CLDN11: variants seen among roughly 807,000 people sequenced by gnomAD.
CLDN11 encodes the protein claudin 11.
Under a neutral mutation model 18.0 loss-of-function variants are expected in CLDN11, and 1 was observed. The ratio of observed to expected loss-of-function variants is 0.06; its 90% CI spans 0.02 to 0.26. CLDN11 has a LOEUF of 0.26. Ranked by LOEUF, CLDN11 falls within the 10% of genes least tolerant of loss-of-function variation. The pLI is 1.00. For missense variants in CLDN11, 172 were observed against 276.6 expected (o/e 0.62, Z 2.68); for synonymous variants, 116 against 121.5 (o/e 0.96, Z 0.30).
rs769057178 is a variant in CLDN11 at position 170,432,600 on chromosome 3, C to T, written c.468C>T (p.Tyr156=). The change falls in exon 3 of 3, where the codon TAC becomes TAT. Residue 156 remains tyrosine, a synonymous_variant. Coordinates refer to ENST00000064724, the MANE Select transcript of CLDN11 (RefSeq NM_005602.6). Reference sequence around the variant, plus strand: ...AGACCACCATCGTGAGCTTTGGCTACTCCCTGTATGCAGGCTGGATTGGTG... The same window carrying T: ...AGACCACCATCGTGAGCTTTGGCTATTCCCTGTATGCAGGCTGGATTGGTG... ...HRETTIVSFG[Y]SLYAGWIGAV... is the part of the protein sequence containing the mutation. 3 of 1,614,020 alleles carry T rather than the reference C, an allele frequency of 1.9e-6. No homozygotes were observed. Among genetic ancestry groups the T allele is most frequent in the Admixed American group, 1.7e-5 (1 of 59,994 alleles).
Position 170,419,799 on chromosome 3 carries a change from G to C in CLDN11, c.226+507G>C, listed in dbSNP as rs1202891963. ...GGGATGGGCGAAGCGCCCCCGGCCA[G>C]GTTAGAGCCCTCCTAGCTCCGTCCG... On this transcript the variant is annotated intron_variant, in intron 1 of 2. Transcript: ENST00000064724. The surrounding 1 kb of genome is among the most constrained non-coding windows in gnomAD (Gnocchi z 8.6). Among the ~76,000 whole-genome samples, 3 of 152,266 alleles carry C rather than the reference G, an allele frequency of 2.0e-5. No individual in the cohort carries two copies. The highest frequency in any genetic ancestry group is 4.4e-5 in the Non-Finnish European group (3 of 68,036).
At chr3:170,423,924 G>T (rs912942579) in intron 2 of CLDN11, among the ~76,000 whole-genome samples, 1 of 151,006 alleles carries the variant, frequency 6.6e-6, no homozygotes, top group African/African-American at 2.4e-5. Flanking sequence ...CGGGGCGGGG[G>T]TTGCTAAGGC....
chr3:170,424,268 C>T (rs181440343), intron 2 of CLDN11, among the ~76,000 whole-genome samples: 2 of 152,140 alleles, frequency 1.3e-5, no homozygotes, highest in East Asian at 3.9e-4. Flanking sequence ...GGTATGTGCT[C>T]ATGTAGAAAA....
intron 1 of CLDN11, among the ~76,000 whole-genome samples, chr3:170,420,539 G>GT (rs893305455): frequency 2.6e-5 from 4 of 152,220 alleles, no homozygotes; most frequent in African/African-American, 7.2e-5. Context: ...ATTTTATCTT[G>GT]TTTTTTGTTG....
At chr3:170,430,788 C>T (rs186050948) in intron 2 of CLDN11, among the ~76,000 whole-genome samples, 4 of 152,048 alleles carry the variant, frequency 2.6e-5, no homozygotes, top group Non-Finnish European at 4.4e-5. Flanking sequence ...TCAGGTGATT[C>T]GCCCACCTTG....
At chr3:170,425,397 A>G (rs1738829677) in intron 2 of CLDN11, among the ~76,000 whole-genome samples, 1 of 152,226 alleles carries the variant, frequency 6.6e-6, no homozygotes, top group Non-Finnish European at 1.5e-5. Context: ...AAACAAACAT[A>G]CAAACCCTGG....
intron 2 of CLDN11, among the ~76,000 whole-genome samples, chr3:170,426,124 C>A (rs1254478340): frequency 6.6e-6 from 1 of 152,188 alleles, no homozygotes; most frequent in Non-Finnish European, 1.5e-5. Context: ...TGAGGCACCT[C>A]CTGGGTTTCG....
At chr3:170,421,649 T>C (rs1738727804) in intron 1 of CLDN11, among the ~76,000 whole-genome samples, 1 of 152,120 alleles carries the variant, frequency 6.6e-6, no homozygotes, top group Non-Finnish European at 1.5e-5. Context: ...AGGCCACTAG[T>C]ACTAGTTCCT....
Position 170,421,691 on chromosome 3 carries a change from AC to A in CLDN11, c.227-1464del, listed in dbSNP as rs551331881. 1.2e-4 allele frequency among the ~76,000 whole-genome samples: 18 copies of A among 150,172 alleles called. 1 individual carries two copies. The highest frequency in any genetic ancestry group is 3.9e-4 in the East Asian group (2 of 5,120). ...CAAAAAAGGGAGGGTAATAAATGTG[AC>A]CCCCCCCACCTTTTTTAAGAGGAGG... On this transcript the variant is annotated intron_variant, in intron 1 of 2. Transcript: ENST00000064724.
At chr3:170,423,500 AG>A in intron 2 of CLDN11, 173 bp downstream of exon 2, 2 of 634,186 alleles carry the variant, frequency 3.2e-6, no homozygotes, top group Non-Finnish European at 5.5e-6. Context: ...CAGTTTACAC[AG>A]AGGGCTAAGT....
intron 2 of CLDN11, among the ~76,000 whole-genome samples, chr3:170,430,097 G>T (rs1031034215): frequency 6.6e-6 from 1 of 152,220 alleles, no homozygotes; most frequent in Non-Finnish European, 1.5e-5. Context: ...ACAGCAGAAC[G>T]AATGCCCACT....
intron 2 of CLDN11, among the ~76,000 whole-genome samples, chr3:170,430,543 C>CT (rs11346564): frequency 0.066 from 9,626 of 146,006 alleles, 740 homozygotes; most frequent in African/African-American, 0.19. Context: ...TTCTTTTTCT[C>CT]TTTTTTTTTT....
At chr3:170,424,350 C>A (rs958606547) in intron 2 of CLDN11, among the ~76,000 whole-genome samples, 5 of 152,120 alleles carry the variant, frequency 3.3e-5, no homozygotes, top group Admixed American at 3.3e-4. Context: ...GTGGAAGAAC[C>A]CAGCAGTAAG....
At chr3:170,427,052 C>T (rs922391779) in intron 2 of CLDN11, among the ~76,000 whole-genome samples, 7 of 152,160 alleles carry the variant, frequency 4.6e-5, no homozygotes, top group African/African-American at 1.2e-4. Flanking sequence ...TCTTTAAGAA[C>T]GTTTTTATTT....
intron 1 of CLDN11, chr3:170,421,288 C>G (rs143055849): frequency 8.1e-6 from 8 of 985,804 alleles, no homozygotes; most frequent in Non-Finnish European, 9.6e-6. Flanking sequence ...TGTGGACAGC[C>G]AGTGCCATGG....
chr3:170,423,281 T>G lies in CLDN11; in HGVS notation c.345T>G (p.Ala115=). The change falls in exon 2 of 3, where the codon GCT becomes GCG. Residue 115 remains alanine, a synonymous_variant. Coordinates refer to ENST00000064724, the MANE Select transcript of CLDN11 (RefSeq NM_005602.6). ...CIRMGQEPGV[A]KYRRAQLAGV... Reference sequence around the variant, plus strand: ...GGATGGGCCAGGAGCCCGGTGTGGCTAAGTACAGGCGGGCCCAGCTGGCTG... The same window carrying G: ...GGATGGGCCAGGAGCCCGGTGTGGCGAAGTACAGGCGGGCCCAGCTGGCTG... The G allele has an allele frequency of 6.2e-7, 1 of 1,614,180 alleles. No individual in the cohort carries two copies. The highest frequency in any genetic ancestry group is 8.5e-7 in the Non-Finnish European group (1 of 1,180,034).
intron 2 of CLDN11, among the ~76,000 whole-genome samples, chr3:170,424,104 T>G: frequency 6.9e-6 from 1 of 144,338 alleles, no homozygotes; most frequent in African/African-American, 2.6e-5. Flanking sequence ...AAGTCAGGAG[T>G]TGAGGGTGGT....
chr3:170,433,041 T>C lies in CLDN11; in HGVS notation c.*285T>C. On this transcript the variant is annotated 3_prime_UTR_variant, in exon 3 of 3. Coordinates refer to ENST00000064724, the MANE Select transcript of CLDN11 (RefSeq NM_005602.6). ...GCATTCTTTTGCTGTTTATTAAAAA[T>C]ATATTATATATATTTTGTTTCTTTA... 5.5e-6 allele frequency: 1 copy of C among 181,134 alleles called. No individual in the cohort carries two copies. The highest frequency in any genetic ancestry group is 1.4e-4 in the East Asian group (1 of 7,352). 11.2% of individuals were successfully genotyped at this position (181,134 alleles called of 1,614,324 possible).
At position 170,419,109 on chromosome 3, in the gene CLDN11, TTCGTGGGCTGGA is replaced by T. The variant is rs1418508030; in HGVS notation, c.47_58del (p.Val16_Ile19del). Reference sequence around the variant, plus strand: ...GCAGGTGGTGGGCTTCGTCACGAGCTTCGTGGGCTGGATCGGGGTCATCGTGACCACCTCCAC... The same window carrying T: ...GCAGGTGGTGGGCTTCGTCACGAGCTTCGGGGTCATCGTGACCACCTCCAC... On this transcript the variant is annotated inframe_deletion, in exon 1 of 3. Coordinates refer to ENST00000064724, the MANE Select transcript of CLDN11 (RefSeq NM_005602.6). This position sits in a 1 kb window ranked among gnomAD's most constrained non-coding sequence, Gnocchi z 8.6. The T allele has an allele frequency of 6.4e-7, 1 of 1,551,570 alleles. No homozygotes were observed. Among genetic ancestry groups the T allele is most frequent in the Non-Finnish European group, 8.7e-7 (1 of 1,147,174 alleles).
Sources: allele counts gnomAD v4.1 joint callset (sites outside exome capture counted in the v4.1 genomes callset), GRCh38; gene constraint gnomAD v4.1.1; non-coding constraint Gnocchi (gnomAD v3.1); transcripts MANE v1.5; gene names NCBI Gene and HGNC (gene_info 2026-07-23, HGNC 2026-07-21).